CSTPP1: variants seen among roughly 807,000 people sequenced by gnomAD.
CSTPP1 encodes UPF0705 protein C11orf49.
chr11:47,049,167 C>T, the CSTPP1 span, among the ~76,000 whole-genome samples: 13 of 151,546 alleles, frequency 8.6e-5, no homozygotes, highest in East Asian at 2.4e-3. Flanking sequence ...TGTAATGTTT[C>T]ATAAAATCAA....
At chr11:47,047,054 C>T in the CSTPP1 span, among the ~76,000 whole-genome samples, 5 of 151,950 alleles carry the variant, frequency 3.3e-5, no homozygotes, top group Admixed American at 6.6e-5. Context: ...GTGCCCGCCA[C>T]CACACCTGGC....
chr11:47,027,926 TC>T, the CSTPP1 span, among the ~76,000 whole-genome samples: 5 of 88,952 alleles, frequency 5.6e-5, no homozygotes, highest in Admixed American at 1.1e-4. Flanking sequence ...CTTTTTTTTT[TC>T]TTTTTTTTTT....
the CSTPP1 span, among the ~76,000 whole-genome samples, chr11:47,096,811 G>GAAAA: frequency 8.5e-6 from 1 of 118,118 alleles, no homozygotes; most frequent in Non-Finnish European, 1.8e-5. Context: ...AGGCCCAGCA[G>GAAAA]AAAAAAAAAA....
chr11:46,942,947 A>C, the CSTPP1 span, among the ~76,000 whole-genome samples: 2 of 152,192 alleles, frequency 1.3e-5, no homozygotes, highest in Admixed American at 1.3e-4. Context: ...AAAAACCCCT[A>C]TTGGTTCAAA....
At chr11:47,022,240 CA>C in the CSTPP1 span, among the ~76,000 whole-genome samples, 6 of 147,380 alleles carry the variant, frequency 4.1e-5, no homozygotes, top group South Asian at 4.3e-4. Context: ...CATACTTTAA[CA>C]AAAAAAAAGT....
chr11:46,937,805 T>G, the CSTPP1 span, among the ~76,000 whole-genome samples: 1 of 152,090 alleles, frequency 6.6e-6, no homozygotes, highest in African/African-American at 2.4e-5. Flanking sequence ...CAAAAGTGCT[T>G]GGATTACAGG....
the CSTPP1 span, among the ~76,000 whole-genome samples, chr11:46,939,631 C>CATAGATAG: frequency 5.4e-3 from 626 of 116,950 alleles, 12 homozygotes; most frequent in East Asian, 0.038. Context: ...CTCTAAAATG[C>CATAGATAG]ATAGATAGAT....
At chr11:47,115,705 C>T in the CSTPP1 span, among the ~76,000 whole-genome samples, 1 of 149,732 alleles carries the variant, frequency 6.7e-6, no homozygotes, top group East Asian at 2.0e-4. Flanking sequence ...TCTCTCTTTT[C>T]TTCTTTATTC....
the CSTPP1 span, among the ~76,000 whole-genome samples, chr11:47,035,621 C>T: frequency 6.6e-6 from 1 of 152,152 alleles, no homozygotes; most frequent in Non-Finnish European, 1.5e-5. Flanking sequence ...TTACATTTCT[C>T]TCCACTATGA....
At chr11:47,001,776 A>AT in the CSTPP1 span, among the ~76,000 whole-genome samples, 1 of 152,100 alleles carries the variant, frequency 6.6e-6, no homozygotes. Flanking sequence ...AAGGTGACAG[A>AT]TTTTTTAAGG....
the CSTPP1 span, chr11:47,052,678 A>AATGCTAAATG: frequency 1.0e-6 from 1 of 981,034 alleles, no homozygotes; most frequent in African/African-American, 1.7e-5. Flanking sequence ...CATGCTATTC[A>AATGCTAAATG]AGGCATTTAG....
the CSTPP1 span, among the ~76,000 whole-genome samples, chr11:47,145,615 CA>C: frequency 4.5e-4 from 68 of 151,384 alleles, no homozygotes; most frequent in Non-Finnish European, 7.1e-4. Context: ...CTGTCCCTCC[CA>C]AAAAAAATTA....
chr11:47,007,371 C>T, the CSTPP1 span, among the ~76,000 whole-genome samples: 1 of 152,150 alleles, frequency 6.6e-6, no homozygotes, highest in South Asian at 2.1e-4. Context: ...ATATTTTCTT[C>T]TGATCTATTT....
the CSTPP1 span, among the ~76,000 whole-genome samples, chr11:47,074,970 G>A: frequency 6.6e-6 from 1 of 152,190 alleles, no homozygotes; most frequent in Non-Finnish European, 1.5e-5. Context: ...TTTTTAAAGA[G>A]TTCACAGTCT....
the CSTPP1 span, among the ~76,000 whole-genome samples, chr11:47,118,935 G>A: frequency 2.0e-5 from 3 of 152,264 alleles, 1 homozygote; most frequent in Admixed American, 2.0e-4. Flanking sequence ...TGAGGAGGCA[G>A]TCTGTCCTTT....
At chr11:47,095,924 A>G in the CSTPP1 span, among the ~76,000 whole-genome samples, 1 of 152,106 alleles carries the variant, frequency 6.6e-6, no homozygotes, top group Non-Finnish European at 1.5e-5. Context: ...GCTGTTTTCA[A>G]TTTGACCCTT....
the CSTPP1 span, among the ~76,000 whole-genome samples, chr11:46,969,144 C>A: frequency 0.026 from 3,909 of 152,256 alleles, 89 homozygotes; most frequent in South Asian, 0.13. Flanking sequence ...CACGGCAACA[C>A]TGAGTGGCCT....
At chr11:47,040,397 C>T in the CSTPP1 span, among the ~76,000 whole-genome samples, 1 of 126,698 alleles carries the variant, frequency 7.9e-6, no homozygotes, top group East Asian at 2.1e-4. Context: ...ACAACTAGAG[C>T]ACTTCTACAC....
At chr11:47,142,008 G>A in the CSTPP1 span, among the ~76,000 whole-genome samples, 1 of 151,262 alleles carries the variant, frequency 6.6e-6, no homozygotes, top group African/African-American at 2.4e-5. Flanking sequence ...AGTTTGGGAG[G>A]CCAAGGTGGG....
Sources: gnomAD v4.1 joint callset for allele counts (sites outside exome capture counted in the v4.1 genomes callset) on GRCh38, gnomAD v4.1.1 for gene constraint, MANE v1.5 for transcripts, NCBI Gene and HGNC (gene_info 2026-07-23, HGNC 2026-07-21) for gene names.